SLC17A1: variants seen among roughly 807,000 people sequenced by gnomAD.
SLC17A1 encodes sodium-dependent phosphate transport protein 1.
In SLC17A1, 51 loss-of-function variants were observed where a neutral mutation model predicts 53.5. The ratio of observed to expected loss-of-function variants is 0.95; its 90% confidence interval spans 0.76 to 1.20. The LOEUF is 1.20. SLC17A1 is among the 50% of genes most tolerant of loss of function. The pLI, the probability that SLC17A1 is intolerant of heterozygous loss-of-function variation, is 0.00. For synonymous variants in SLC17A1, 179 were observed against 198.8 expected (o/e 0.90, Z 0.84); for missense variants, 538 against 568.2 (o/e 0.95, Z 0.54).
chr6:25,730,168 A>G, the SLC17A1 span, among the ~76,000 whole-genome samples: 1 of 152,208 alleles, frequency 6.6e-6, no homozygotes, highest in Admixed American at 6.5e-5. Context: ...GTATATATTG[A>G]AAGGAAATAA....
chr6:25,727,998 C>T, the SLC17A1 span, among the ~76,000 whole-genome samples: 1 of 151,898 alleles, frequency 6.6e-6, no homozygotes, highest in Non-Finnish European at 1.5e-5. Flanking sequence ...CTGGTGACAG[C>T]GAGACTGTCT....
At chr6:25,748,873 A>G in the SLC17A1 span, among the ~76,000 whole-genome samples, 41,376 of 152,256 alleles carry the variant, frequency 0.27, 6,845 homozygotes, top group East Asian at 0.7. Flanking sequence ...ACAAAGCAGC[A>G]TTGCTGCCAA....
the SLC17A1 span, among the ~76,000 whole-genome samples, chr6:25,748,534 A>G: frequency 1.3e-5 from 2 of 152,168 alleles, no homozygotes; most frequent in Non-Finnish European, 2.9e-5. Context: ...GTCAGGTGGG[A>G]CGAGAGACTG....
At chr6:25,784,936 T>G (rs1475254901) in intron 12 of SLC17A1, among the ~76,000 whole-genome samples, 2 of 151,972 alleles carry the variant, frequency 1.3e-5, no homozygotes, top group African/African-American at 4.8e-5. Flanking sequence ...GGGAAATAAA[T>G]AAAAGGAAAC....
At chr6:25,808,277 G>A (rs1431231526) in intron 10 of SLC17A1, among the ~76,000 whole-genome samples, 1 of 151,592 alleles carries the variant, frequency 6.6e-6, no homozygotes, top group East Asian at 1.9e-4. Context: ...TCACTTATAA[G>A]TGGGAGCTAA....
At chr6:25,796,464 G>A (rs761026987) in intron 12 of SLC17A1, among the ~76,000 whole-genome samples, 4 of 151,744 alleles carry the variant, frequency 2.6e-5, no homozygotes, top group Non-Finnish European at 5.9e-5. Flanking sequence ...CCTTTAGCTG[G>A]GTGTAGTGTT....
At chr6:25,765,553 CAATAACAATAATAATAAAAT>C in the SLC17A1 span, among the ~76,000 whole-genome samples, 1 of 151,680 alleles carries the variant, frequency 6.6e-6, no homozygotes, top group Non-Finnish European at 1.5e-5. Flanking sequence ...TCAATAATGA[CAATAACAATAATAATAAAAT>C]CATAGAGTGT....
At chr6:25,726,336 A>G in the SLC17A1 span, 1 of 1,613,988 alleles carries the variant, frequency 6.2e-7, no homozygotes, top group African/African-American at 1.3e-5. Context: ...CTGCCAGCTC[A>G]AGGATTTCTG....
the SLC17A1 span, chr6:25,731,741 A>C: frequency 7.4e-7 from 1 of 1,357,374 alleles, no homozygotes; most frequent in South Asian, 1.3e-5. Flanking sequence ...CTCTTAAAAG[A>C]GCCTTTGGTT....
At chr6:25,726,931 G>A in the SLC17A1 span, 5 of 1,613,692 alleles carry the variant, frequency 3.1e-6, no homozygotes, top group South Asian at 2.2e-5. Flanking sequence ...TCATCTAAAG[G>A]TGCTACCATT....
At chr6:25,810,373 G>A (rs187533116) in intron 10 of SLC17A1, among the ~76,000 whole-genome samples, 3 of 152,002 alleles carry the variant, frequency 2.0e-5, no homozygotes, top group Non-Finnish European at 2.9e-5. Context: ...TATAATAAGC[G>A]GTTAATATCC....
At chr6:25,807,393 G>A (rs1351569055) in intron 10 of SLC17A1, among the ~76,000 whole-genome samples, 1 of 152,156 alleles carries the variant, frequency 6.6e-6, no homozygotes, top group Non-Finnish European at 1.5e-5. Flanking sequence ...CAGTAACTTG[G>A]ATGAAGCGGG....
chr6:25,811,743 A>C lies in SLC17A1; in HGVS notation c.925T>G (p.Leu309Val). ...AGGTTACCACAGATCCAGGCAAACA[A>C]ATAGGGAAGGGAAGACAAGAACCCA... ...ENGFLSSLPY[L>V]FAWICGNLAG... Residue 309 changes from leucine to valine, a missense_variant, in exon 9 of 13, where the codon TTG (leucine) becomes GTG (valine). Coordinates refer to ENST00000244527, the MANE Select transcript of SLC17A1 (RefSeq NM_005074.5). 1 of 1,613,810 alleles carries C rather than the reference A, an allele frequency of 6.2e-7. No individual in the cohort carries two copies. The highest frequency in any genetic ancestry group is 8.5e-7 in the Non-Finnish European group (1 of 1,179,748).
At chr6:25,727,472 A>G in the SLC17A1 span, among the ~76,000 whole-genome samples, 3 of 151,066 alleles carry the variant, frequency 2.0e-5, no homozygotes, top group East Asian at 5.9e-4. Flanking sequence ...GCTCACTGCA[A>G]GCTCTGCCTC....
At chr6:25,770,787 T>C in the SLC17A1 span, 1 of 709,252 alleles carries the variant, frequency 1.4e-6, no homozygotes, top group Non-Finnish European at 2.5e-6. Context: ...CAAGATCACA[T>C]AGTTACCAAG....
At chr6:25,762,100 T>C in the SLC17A1 span, 1 of 1,531,028 alleles carries the variant, frequency 6.5e-7, no homozygotes, top group Admixed American at 1.8e-5. Context: ...CTAGGATCTG[T>C]GGCACTGTAA....
chr6:25,735,584 A>G, the SLC17A1 span, among the ~76,000 whole-genome samples: 1 of 151,962 alleles, frequency 6.6e-6, no homozygotes. Flanking sequence ...TTTTTTAACT[A>G]CAACAAACAT....
the SLC17A1 span, among the ~76,000 whole-genome samples, chr6:25,762,886 A>G: frequency 2.6e-5 from 4 of 152,180 alleles, no homozygotes; most frequent in African/African-American, 9.7e-5. Context: ...AGACTATACC[A>G]TTGGCCAAAT....
At chr6:25,807,634 G>A (rs938439072) in intron 10 of SLC17A1, among the ~76,000 whole-genome samples, 8 of 151,750 alleles carry the variant, frequency 5.3e-5, no homozygotes, top group African/African-American at 1.5e-4. Context: ...CCCTGAGTCC[G>A]TAGAGTCCAT....
Sources: gnomAD v4.1 joint callset for allele counts (sites outside exome capture counted in the v4.1 genomes callset) on GRCh38, gnomAD v4.1.1 for gene constraint, MANE v1.5 for transcripts, NCBI Gene and HGNC (gene_info 2026-07-23, HGNC 2026-07-21) for gene names.